The following PBX4 variants were observed in gnomAD, a reference collection of about 807,000 sequenced individuals.
PBX4 encodes the protein pre-B-cell leukemia transcription factor 4.
Under a neutral mutation model 35.1 loss-of-function variants are expected in PBX4, and 26 were observed. That is an observed-to-expected ratio of 0.74 (90% CI 0.54 to 1.03). PBX4 has a LOEUF of 1.03. PBX4 is among the 50% of genes least tolerant of loss of function. The pLI is 0.00. For synonymous variants in PBX4, 199 were observed against 204.2 expected (o/e 0.97, Z 0.22); for missense variants, 448 against 504.3 (o/e 0.89, Z 1.07).
At position 19,618,618 on chromosome 19, in the gene PBX4, CG is replaced by C; in HGVS notation, c.11del (p.Pro4ArgfsTer41). 1 of 1,253,560 alleles carries C rather than the reference CG, an allele frequency of 8.0e-7. No individual in the cohort carries two copies. The highest frequency in any genetic ancestry group is 1.0e-6 in the Non-Finnish European group (1 of 997,712). The allele number at this position is 1,253,560 out of a possible 1,614,324, so 77.7% of individuals were successfully genotyped here. On this transcript the variant is annotated frameshift_variant, in exon 1 of 8. Coordinates refer to ENST00000251203, the MANE Select transcript of PBX4 (RefSeq NM_025245.3). LOFTEE classifies it high-confidence loss of function. MAA[P>X]PRPAPSPPAP... ...CGGGGGGCGATGGCGCGGGGCGCGG[CG>C]GGGCGGCCATGAGCGGCAGGGCCGG... is the stretch of plus-strand genomic sequence containing the variant.
intron 2 of PBX4, among the ~76,000 whole-genome samples, chr19:19,584,758 T>C (rs2061478212): frequency 6.6e-6 from 1 of 151,644 alleles, no homozygotes; most frequent in African/African-American, 2.4e-5. Flanking sequence ...CCTGAGTAGA[T>C]GGGACTATAG....
chr19:19,613,445 CAAAAAAAAAAAAAAAA>C (rs57256131), intron 1 of PBX4, among the ~76,000 whole-genome samples: 6 of 113,618 alleles, frequency 5.3e-5, no homozygotes, highest in Non-Finnish European at 1.0e-4. Context: ...GACTCTGTCT[CAAAAAAAAAAAAAAAA>C]AAAAAAAAAA....
At position 19,618,530 on chromosome 19, in the gene PBX4, G is replaced by C; in HGVS notation, c.100C>G (p.Leu34Val). The change falls in exon 1 of 8, where the codon CTG (leucine) becomes GTG (valine). Residue 34 changes from leucine to valine, a missense_variant. Coordinates refer to ENST00000251203, the MANE Select transcript of PBX4 (RefSeq NM_025245.3). Reference protein sequence around the residue: ...QQIMAITDQSLDEAQARKHAL... With the variant: ...QQIMAITDQSVDEAQARKHAL... ...CAGCACCTGGCCTGTGCCTCGTCCA[G>C]GCTCTGGTCGGTGATGGCCATGATC... 6.8e-7 allele frequency: 1 copy of C among 1,479,278 alleles called. No individual in the cohort carries two copies. Among genetic ancestry groups the C allele is most frequent in the Non-Finnish European group, 9.0e-7 (1 of 1,110,474 alleles). 91.6% of individuals were successfully genotyped at this position (1,479,278 alleles called of 1,614,324 possible).
At chr19:19,570,876 AG>A in intron 2 of PBX4, 43 bp from the exon 3 acceptor site, 1 of 1,599,360 alleles carries the variant, frequency 6.3e-7, no homozygotes. Context: ...CATTTTCTGG[AG>A]AGAAAACAAA....
chr19:19,561,799 T>C lies in PBX4; in HGVS notation c.*226A>G. 2.2e-6 allele frequency: 1 copy of C among 455,006 alleles called. No homozygotes were observed. The highest frequency in any genetic ancestry group is 3.9e-6 in the Non-Finnish European group (1 of 256,100). 28.2% of individuals were successfully genotyped at this position (455,006 alleles called of 1,614,324 possible). ...ATTCATAGCGTTACCATAAAATTAC[T>C]GTCAAAAAAACGAACTGAAGTGGGA... On this transcript the variant is annotated 3_prime_UTR_variant, in exon 8 of 8. Transcript: ENST00000251203.
At chr19:19,609,633 G>A (rs552197712) in intron 1 of PBX4, among the ~76,000 whole-genome samples, 3 of 150,352 alleles carry the variant, frequency 2.0e-5, no homozygotes, top group East Asian at 3.9e-4. Flanking sequence ...GGCAGATCAC[G>A]AGCTCAGGAG....
At chr19:19,586,270 G>A (rs928192741) in intron 2 of PBX4, among the ~76,000 whole-genome samples, 5 of 151,882 alleles carry the variant, frequency 3.3e-5, no homozygotes, top group Non-Finnish European at 7.4e-5. Flanking sequence ...AAAATTAGCC[G>A]GATATGGTGG....
At chr19:19,609,418 G>T (rs975655924) in intron 1 of PBX4, among the ~76,000 whole-genome samples, 16 of 151,890 alleles carry the variant, frequency 1.1e-4, no homozygotes, top group African/African-American at 3.9e-4. Context: ...GCGTGGTGGT[G>T]CATGCCTGTA....
chr19:19,563,658 C>T lies in PBX4; in HGVS notation c.926-43G>A, dbSNP rs1035172793. ...CGGGGTGGGCAGAGTCGTGGCGCCT[C>T]CTCAGGTGGAACCCACCCAGCCCCT... is the stretch of plus-strand genomic sequence containing the variant. On this transcript the variant is annotated intron_variant, in intron 6 of 7. Coordinates refer to ENST00000251203, the MANE Select transcript of PBX4 (RefSeq NM_025245.3). The surrounding 1 kb of genome is among the most constrained non-coding windows in gnomAD (Gnocchi z 5.1). The T allele has an allele frequency of 1.6e-5, 24 of 1,504,172 alleles. No homozygotes were observed. Among genetic ancestry groups the T allele is most frequent in the African/African-American group, 7.0e-5 (5 of 71,890 alleles). The allele number at this position is 1,504,172 out of a possible 1,614,324, so 93.2% of individuals were successfully genotyped here. A position where few individuals can be genotyped will look rare whatever the true frequency, so the allele number is the denominator to read the frequency against.
At chr19:19,599,428 T>A in intron 1 of PBX4, 63 bp from the exon 2 acceptor site, 2 of 1,410,936 alleles carry the variant, frequency 1.4e-6, no homozygotes, top group Non-Finnish European at 2.0e-6. Flanking sequence ...TCCCCAAGAG[T>A]AAAGATCTTC....
chr19:19,593,040 G>A (rs903916117), intron 2 of PBX4, among the ~76,000 whole-genome samples: 21 of 152,330 alleles, frequency 1.4e-4, no homozygotes, highest in African/African-American at 3.6e-4. Flanking sequence ...GGAACAACTC[G>A]AGGAAGCCCC....
intron 2 of PBX4, among the ~76,000 whole-genome samples, chr19:19,592,024 C>A (rs2061531553): frequency 6.6e-6 from 1 of 152,012 alleles, no homozygotes; most frequent in Admixed American, 6.6e-5. Flanking sequence ...CCATGCCCAG[C>A]TAGTTTTTGT....
rs201204736 is a variant in PBX4, at chr19:19,562,241, C to T, written c.1033-124G>A. 4.5e-6 allele frequency: 3 copies of T among 671,272 alleles called. No homozygotes were observed. The highest frequency in any genetic ancestry group is 7.4e-6 in the Non-Finnish European group (3 of 405,462). The allele number at this position is 671,272 out of a possible 1,614,324, so 41.6% of individuals were successfully genotyped here. On this transcript the variant is annotated intron_variant, in intron 7 of 7. Transcript: ENST00000251203. The surrounding 1 kb of genome is among the most constrained non-coding windows in gnomAD (Gnocchi z 4.8). ...GGCTTGGAAAAGATCCACAGATGAC[C>T]TCCAGCTCAGTGGAGGAGGGAAGGG...
At chr19:19,565,123 C>T in intron 5 of PBX4, 34 bp from the exon 6 acceptor site, 1 of 1,613,456 alleles carries the variant, frequency 6.2e-7, no homozygotes, top group Non-Finnish European at 8.5e-7. Context: ...GAGGAGCTGA[C>T]CCAGCGACTT....
At chr19:19,572,587 G>A (rs1185625282) in intron 2 of PBX4, among the ~76,000 whole-genome samples, 3 of 152,012 alleles carry the variant, frequency 2.0e-5, no homozygotes, top group Non-Finnish European at 4.4e-5. Flanking sequence ...ACTTCAGGCT[G>A]GGCGCAGTGG....
In PBX4 at chr19:19,563,435, G is replaced by A; in HGVS notation, c.1032+74C>T. 1 of 1,237,856 alleles carries A rather than the reference G, an allele frequency of 8.1e-7. No homozygotes were observed. Among genetic ancestry groups the A allele is most frequent in the Non-Finnish European group, 1.1e-6 (1 of 894,088 alleles). The allele number at this position is 1,237,856 out of a possible 1,614,324, so 76.7% of individuals were successfully genotyped here. A position where few individuals can be genotyped will look rare whatever the true frequency, so the allele number is the denominator to read the frequency against. ...TGGGGAAGCTGCCCCAAGGCCGAGGGGTGGCTGACAAGACGACCCTTTCTG... is the reference window on the plus strand; with the variant it reads ...TGGGGAAGCTGCCCCAAGGCCGAGGAGTGGCTGACAAGACGACCCTTTCTG... On this transcript the variant is annotated intron_variant, in intron 7 of 7. Coordinates refer to ENST00000251203, the MANE Select transcript of PBX4 (RefSeq NM_025245.3). The surrounding 1 kb of genome is among the most constrained non-coding windows in gnomAD (Gnocchi z 5.1).
chr19:19,561,953 G>T lies in PBX4; in HGVS notation c.*72C>A, dbSNP rs2061308604. 2 of 1,368,390 alleles carry T rather than the reference G, an allele frequency of 1.5e-6. No homozygotes were observed. The highest frequency in any genetic ancestry group is 1.5e-5 in the African/African-American group (1 of 68,830). The allele number at this position is 1,368,390 out of a possible 1,614,324, so 84.8% of individuals were successfully genotyped here. A position where few individuals can be genotyped will look rare whatever the true frequency, so the allele number is the denominator to read the frequency against. On this transcript the variant is annotated 3_prime_UTR_variant, in exon 8 of 8. Transcript: ENST00000251203. ...GGTTTTCTGAGGTCGTCGGCGGCACGTTCAGTAACAAAGCAACGGCTGGCG... is the reference window on the plus strand; with the variant it reads ...GGTTTTCTGAGGTCGTCGGCGGCACTTTCAGTAACAAAGCAACGGCTGGCG...
intron 2 of PBX4, chr19:19,579,948 C>T (rs892512915): frequency 1.3e-5 from 2 of 152,412 alleles, no homozygotes; most frequent in Non-Finnish European, 2.9e-5. Context: ...CATCTCCCCC[C>T]ACCATCCACA....
chr19:19,591,126 TC>T (rs1323678746), intron 2 of PBX4, among the ~76,000 whole-genome samples: 1 of 151,828 alleles, frequency 6.6e-6, no homozygotes, highest in Non-Finnish European at 1.5e-5. Context: ...GGAGAATAAG[TC>T]CCCCAGCTGC....
Sources: gnomAD v4.1 joint callset for allele counts (sites outside exome capture counted in the v4.1 genomes callset) on GRCh38, gnomAD v4.1.1 for gene constraint, Gnocchi (gnomAD v3.1) non-coding constraint, MANE v1.5 for transcripts, NCBI Gene and HGNC (gene_info 2026-07-23, HGNC 2026-07-21) for gene names.